CYTH3: variants seen among roughly 807,000 people sequenced by gnomAD.
CYTH3 encodes the protein cytohesin-3.
Under a neutral mutation model 55.1 loss-of-function variants are expected in CYTH3, and 23 were observed. The ratio of observed to expected loss-of-function variants is 0.42; its 90% CI spans 0.30 to 0.59. The LOEUF (loss-of-function observed/expected upper bound fraction) is 0.59. CYTH3 is among the 20% of genes least tolerant of loss of function. The pLI, the probability that CYTH3 is intolerant of heterozygous loss-of-function variation, is 0.20. For synonymous variants in CYTH3, 249 were observed against 194.9 expected (o/e 1.28, Z -2.31); for missense variants, 413 against 524.8 (o/e 0.79, Z 2.08).
intron 1 of CYTH3, among the ~76,000 whole-genome samples, chr7:6,256,373 G>T (rs1780105215): frequency 6.6e-6 from 1 of 152,228 alleles, no homozygotes; most frequent in South Asian, 2.1e-4. Context: ...AAAGGACTAG[G>T]ATAGTGGACT....
chr7:6,250,258 C>A (rs570559298), intron 1 of CYTH3, among the ~76,000 whole-genome samples: 1 of 152,224 alleles, frequency 6.6e-6, no homozygotes, highest in Admixed American at 6.5e-5. Flanking sequence ...CCAGATGCAA[C>A]TGTTCATAAG....
At chr7:6,242,085 T>C (rs1348731533) in intron 1 of CYTH3, among the ~76,000 whole-genome samples, 1 of 151,348 alleles carries the variant, frequency 6.6e-6, no homozygotes, top group Non-Finnish European at 1.5e-5. Context: ...TTTTTCTTTG[T>C]TTGTTTTTTG....
At chr7:6,242,244 T>G (rs548658761) in intron 1 of CYTH3, among the ~76,000 whole-genome samples, 2 of 151,466 alleles carry the variant, frequency 1.3e-5, no homozygotes, top group African/African-American at 4.9e-5. Context: ...GCCCACCTAA[T>G]TTTTTGTATT....
At chr7:6,249,758 T>C (rs1779912549) in intron 1 of CYTH3, among the ~76,000 whole-genome samples, 1 of 152,220 alleles carries the variant, frequency 6.6e-6, no homozygotes, top group African/African-American at 2.4e-5. Flanking sequence ...AAATTGGATA[T>C]ATTCAAGGTG....
At chr7:6,168,978 C>T (rs1208899636) in intron 9 of CYTH3, among the ~76,000 whole-genome samples, 1 of 152,228 alleles carries the variant, frequency 6.6e-6, no homozygotes, top group African/African-American at 2.4e-5. Context: ...CCCACCGGCC[C>T]TCACTCTAGA....
rs751372546 is a variant in CYTH3 at position 6,163,129 on chromosome 7, C to T, written c.*1815G>A. On this transcript the variant is annotated 3_prime_UTR_variant, in exon 13 of 13. Transcript: ENST00000350796. The stretch of plus-strand genomic sequence containing the variant: ...GTGGGAATGAAAGTCTGATGCAGGA[C>T]AGGGGTTTCTGGCCTCGGACCCCTC... 2.0e-5 allele frequency: 3 copies of T among 152,654 alleles called. No individual in the cohort carries two copies. The highest frequency in any genetic ancestry group is 4.4e-5 in the Non-Finnish European group (3 of 68,036). The allele number at this position is 152,654 out of a possible 1,614,324, so 9.5% of individuals were successfully genotyped here.
chr7:6,191,453 A>G (rs1583767122), intron 1 of CYTH3, among the ~76,000 whole-genome samples: 1 of 152,222 alleles, frequency 6.6e-6, no homozygotes, highest in Admixed American at 6.5e-5. Flanking sequence ...AAATAAAAGC[A>G]GATTGTATGT....
At chr7:6,205,763 T>C (rs1186545605) in intron 1 of CYTH3, among the ~76,000 whole-genome samples, 2 of 149,782 alleles carry the variant, frequency 1.3e-5, no homozygotes, top group East Asian at 2.0e-4. Flanking sequence ...TGTAATCCTA[T>C]CTATTTGGGA....
chr7:6,255,411 C>T (rs1304989840), intron 1 of CYTH3, among the ~76,000 whole-genome samples: 1 of 152,164 alleles, frequency 6.6e-6, no homozygotes, highest in Non-Finnish European at 1.5e-5. Flanking sequence ...GGGAAAAGTT[C>T]TGAAATCCTA....
chr7:6,179,787 CCACA>C (rs1200727639), intron 4 of CYTH3, among the ~76,000 whole-genome samples: 1 of 121,344 alleles, frequency 8.2e-6, no homozygotes, highest in Non-Finnish European at 1.7e-5. Flanking sequence ...ACACCACCTA[CCACA>C]CACACCCACC....
intron 1 of CYTH3, among the ~76,000 whole-genome samples, chr7:6,211,451 C>A (rs2128549305): frequency 6.6e-6 from 1 of 152,318 alleles, no homozygotes; most frequent in Non-Finnish European, 1.5e-5. Context: ...CTGTGCTTTG[C>A]TTTTCTCATT....
At chr7:6,193,035 A>G (rs1783840073) in intron 1 of CYTH3, among the ~76,000 whole-genome samples, 1 of 151,804 alleles carries the variant, frequency 6.6e-6, no homozygotes, top group African/African-American at 2.4e-5. Context: ...AGCTGGGTGT[A>G]GTGGTGGGCG....
At position 6,162,470 on chromosome 7, in the gene CYTH3, G is replaced by C. The variant is rs1782863693; in HGVS notation, c.*2474C>G. The C allele has an allele frequency of 6.7e-6, 1 of 148,308 alleles. No homozygotes were observed. 9.2% of individuals were successfully genotyped at this position (148,308 alleles called of 1,614,324 possible). ...TTGTGACGCGGCCTGCCCAGGGTGAGGGACAAAAAACAGATGTGTCCTGTT... is the reference window on the plus strand; with the variant it reads ...TTGTGACGCGGCCTGCCCAGGGTGACGGACAAAAAACAGATGTGTCCTGTT... On this transcript the variant is annotated 3_prime_UTR_variant, in exon 13 of 13. Coordinates refer to ENST00000350796, the MANE Select transcript of CYTH3 (RefSeq NM_004227.4).
chr7:6,174,021 T>C (rs1412029162), intron 5 of CYTH3, among the ~76,000 whole-genome samples: 2 of 150,960 alleles, frequency 1.3e-5, no homozygotes, highest in Non-Finnish European at 3.0e-5. Flanking sequence ...TTCTATTGAG[T>C]AAATACCTAA....
intron 1 of CYTH3, among the ~76,000 whole-genome samples, chr7:6,208,096 C>T (rs1239995817): frequency 6.6e-6 from 1 of 152,182 alleles, no homozygotes; most frequent in Non-Finnish European, 1.5e-5. Context: ...GCTTCTCAGA[C>T]TTTTGGCTAA....
chr7:6,271,049 G>A (rs1371546051), intron 1 of CYTH3, among the ~76,000 whole-genome samples: 3 of 152,138 alleles, frequency 2.0e-5, no homozygotes, highest in Non-Finnish European at 4.4e-5. Context: ...AATTGTGACA[G>A]GCAGGAAACA....
chr7:6,193,126 C>T (rs1206785235), intron 1 of CYTH3, among the ~76,000 whole-genome samples: 1 of 151,948 alleles, frequency 6.6e-6, no homozygotes, highest in Non-Finnish European at 1.5e-5. Flanking sequence ...GAGCCGAGAT[C>T]CCACCACTGC....
At chr7:6,166,778 C>G (rs1783022664) in intron 9 of CYTH3, among the ~76,000 whole-genome samples, 1 of 152,134 alleles carries the variant, frequency 6.6e-6, no homozygotes, top group Non-Finnish European at 1.5e-5. Context: ...CTGGCCCCTG[C>G]CTCACTCAGT....
intron 1 of CYTH3, among the ~76,000 whole-genome samples, chr7:6,267,542 G>C (rs1780530898): frequency 6.6e-6 from 1 of 152,148 alleles, no homozygotes; most frequent in African/African-American, 2.4e-5. Flanking sequence ...TATTTTGTTT[G>C]TTTGTTTTGA....
Sources: gnomAD v4.1 joint callset for allele counts (sites outside exome capture counted in the v4.1 genomes callset) on GRCh38, gnomAD v4.1.1 for gene constraint, MANE v1.5 for transcripts, NCBI Gene and HGNC (gene_info 2026-07-23, HGNC 2026-07-21) for gene names.